BTBD17: variants seen among roughly 807,000 people sequenced by gnomAD.
BTBD17 encodes BTB/POZ domain-containing protein 17.
Under a neutral mutation model 36.9 loss-of-function variants are expected in BTBD17, and 26 were observed. The observed-to-expected ratio is 0.70, with a 90% CI of 0.52 to 0.98. BTBD17 has a LOEUF of 0.98. Ranked by LOEUF, BTBD17 falls within the 50% of genes least tolerant of loss-of-function variation. The pLI is 0.00. For missense variants in BTBD17, 630 were observed against 691.3 expected (o/e 0.91, Z 0.99); for synonymous variants, 341 against 338.0 (o/e 1.01, Z -0.10).
Position 74,360,042 on chromosome 17 carries a change from G to C in BTBD17, c.289C>G (p.Leu97Val), listed in dbSNP as rs751870560. Reference protein sequence around the residue: ...LGLHSELFLELLSNQSEAVLQ... With the variant: ...LGLHSELFLEVLSNQSEAVLQ... ...ACCGCCTCGCTCTGGTTACTTAGCA[G>C]CTCCAGGAACAGCTCACTGTGCAGT... The change falls in exon 2 of 3, where the codon CTG (leucine) becomes GTG (valine). Residue 97 changes from leucine (L) to valine (V), a missense_variant. Physicochemically the swap from Leu to Val is conservative, Grantham distance 32. Coordinates refer to ENST00000375366, the MANE Select transcript of BTBD17 (RefSeq NM_001080466.2). The C allele has an allele frequency of 3.6e-5, 58 of 1,612,890 alleles. No homozygotes were observed. The highest frequency in any genetic ancestry group is 3.1e-5 in the Non-Finnish European group (37 of 1,180,034).
rs920645478 is a variant in BTBD17, at chr17:74,357,945, G to A, written c.363-214C>T. The stretch of plus-strand genomic sequence containing the variant: ...CACAGGCTCTTCTTTCCGTTTCCGC[G>A]GTGATGTAGAAATTGCCTGCATTGA... On this transcript the variant is annotated intron_variant, in intron 2 of 2. Coordinates refer to ENST00000375366, the MANE Select transcript of BTBD17 (RefSeq NM_001080466.2). This position sits in a 1 kb window ranked among gnomAD's most constrained non-coding sequence, Gnocchi z 8.4. Among the ~76,000 whole-genome samples the A allele has an allele frequency of 5.9e-5, 9 of 152,178 alleles. No homozygotes were observed. The highest frequency in any genetic ancestry group is 1.0e-4 in the Non-Finnish European group (7 of 68,034).
At chr17:74,362,966 A>ATGTGTGTGTG (rs1555626867), upstream of BTBD17, among the ~76,000 whole-genome samples, 6,062 of 148,862 alleles carry the variant, frequency 0.041, 177 homozygotes, top group South Asian at 0.084. Context: ...GCGCGCGCGC[A>ATGTGTGTGTG]TGTGTGTGTG....
At position 74,357,652 on chromosome 17, in the gene BTBD17, A is replaced by C. The variant is rs751592082; in HGVS notation, c.442T>G (p.Ser148Ala). 5.2e-6 allele frequency: 8 copies of C among 1,550,038 alleles called. No individual in the cohort carries two copies. The highest frequency in any genetic ancestry group is 7.0e-6 in the Non-Finnish European group (8 of 1,148,956). The change falls in exon 3 of 3, where the codon TCC (serine) becomes GCC (alanine). Residue 148 changes from serine (S) to alanine (A), a missense_variant. Physicochemically the swap from Ser to Ala is moderately conservative, Grantham distance 99. Transcript: ENST00000375366. The surrounding 1 kb of genome is among the most constrained non-coding windows in gnomAD (Gnocchi z 8.4). ...TCGGCCACGCCGCGCTGCAGGGAGG[A>C]CACGCCGTACTTGGTGGCCAGTCTG... ...LHRLATKYGVSSLQRGVADYM... is the reference protein window; with the variant it reads ...LHRLATKYGVASLQRGVADYM...
At chr17:74,361,949 C>A (rs996766013), upstream of BTBD17, 4 of 681,866 alleles carry the variant, frequency 5.9e-6, no homozygotes, top group South Asian at 5.8e-5. Flanking sequence ...CTCCCTCCCC[C>A]ACTCAGCCTC....
In BTBD17 at chr17:74,356,551, C is replaced by A; in HGVS notation, c.*106G>T. 1 of 1,349,196 alleles carries A rather than the reference C, an allele frequency of 7.4e-7. No homozygotes were observed. The highest frequency in any genetic ancestry group is 2.9e-5 in the East Asian group (1 of 34,102). 83.6% of individuals were successfully genotyped at this position (1,349,196 alleles called of 1,614,324 possible). On this transcript the variant is annotated 3_prime_UTR_variant, in exon 3 of 3. Transcript: ENST00000375366. The surrounding 1 kb of genome is among the most constrained non-coding windows in gnomAD (Gnocchi z 4.3). ...CACCCCAGCCCTAGGGTGGCCGGCG[C>A]CTGGCCATCCAGGGGACCAGGCTTG... is the stretch of plus-strand genomic sequence containing the variant.
chr17:74,359,360 TTTGTTTGG>T (rs2054920699), intron 2 of BTBD17, among the ~76,000 whole-genome samples: 1 of 151,866 alleles, frequency 6.6e-6, no homozygotes, highest in Non-Finnish European at 1.5e-5. Context: ...TTTTTGTTTG[TTTGTTTGG>T]TTGGTTGGTT....
Position 74,360,373 on chromosome 17 carries a change from G to A in BTBD17, c.86-128C>T, listed in dbSNP as rs565524541. 27 of 955,822 alleles carry A rather than the reference G, an allele frequency of 2.8e-5. No individual in the cohort carries two copies. The South Asian group carries it at 4.4e-4, about 16-fold the overall frequency. The allele number at this position is 955,822 out of a possible 1,614,324, so 59.2% of individuals were successfully genotyped here. A position where few individuals can be genotyped will look rare whatever the true frequency, so the allele number is the denominator to read the frequency against. Reference sequence around the variant, plus strand: ...GCAGAGGGCAAGGTGGGCCTAGGCGGGTTGTATGTGCATACCTGTTTGTGC... The same window carrying A: ...GCAGAGGGCAAGGTGGGCCTAGGCGAGTTGTATGTGCATACCTGTTTGTGC... On this transcript the variant is annotated intron_variant, in intron 1 of 2. Transcript: ENST00000375366.
chr17:74,361,149 G>C (rs754793626), intron 1 of BTBD17, among the ~76,000 whole-genome samples: 8 of 152,238 alleles, frequency 5.3e-5, no homozygotes, highest in African/African-American at 1.7e-4. Flanking sequence ...TGGCCAGGCC[G>C]GCCCTTTGCT....
Position 74,361,274 on chromosome 17 carries a change from G to A in BTBD17, c.85+461C>T, listed in dbSNP as rs981382162. Among the ~76,000 whole-genome samples the A allele has an allele frequency of 2.6e-5, 4 of 152,238 alleles. No homozygotes were observed. In the East Asian group the frequency reaches 7.7e-4, roughly 29 times the overall value. On this transcript the variant is annotated intron_variant, in intron 1 of 2. Transcript: ENST00000375366. ...GGAGCCTCGCAGAGGGAGGCGGGCG[G>A]GGGCCTGATTGCAGCAGATGGGCCG...
chr17:74,362,147 C>T (rs2054944822), upstream of BTBD17, among the ~76,000 whole-genome samples: 1 of 152,252 alleles, frequency 6.6e-6, no homozygotes, highest in Non-Finnish European at 1.5e-5. Flanking sequence ...GTTTCAGGCT[C>T]TCTGCAGAAT....
chr17:74,359,797 G>T (rs2054923960), intron 2 of BTBD17, among the ~76,000 whole-genome samples, 172 bp downstream of exon 2: 1 of 152,232 alleles, frequency 6.6e-6, no homozygotes, highest in Admixed American at 6.5e-5. Context: ...CACGGGCAAA[G>T]ACAGGGAGCT....
At chr17:74,359,760 G>T (rs535036236) in intron 2 of BTBD17, among the ~76,000 whole-genome samples, 2 of 152,184 alleles carry the variant, frequency 1.3e-5, no homozygotes, top group African/African-American at 4.8e-5. Context: ...ACTAGGAACC[G>T]AAAGTGACAT....
chr17:74,357,361 G>T lies in BTBD17; in HGVS notation c.733C>A (p.Pro245Thr). ...EAWLGRARPP[P>T]AVAERALRAI... ...CGCAGCGCCCGCTCGGCCACGGCAG[G>T]GGGCGGCCGCGCGCGACCCAGCCAG... Residue 245 changes from proline to threonine, a missense_variant, in exon 3 of 3, where the codon CCT becomes ACT. Transcript: ENST00000375366. The surrounding 1 kb of genome is among the most constrained non-coding windows in gnomAD (Gnocchi z 8.4). 6.4e-7 allele frequency: 1 copy of T among 1,551,130 alleles called. No homozygotes were observed. Among genetic ancestry groups the T allele is most frequent in the Non-Finnish European group, 8.6e-7 (1 of 1,157,130 alleles).
chr17:74,357,746 G>C lies in BTBD17; in HGVS notation c.363-15C>G, dbSNP rs200105687. On this transcript the variant is annotated splice_polypyrimidine_tract_variant and intron_variant, in intron 2 of 2. Coordinates refer to ENST00000375366, the MANE Select transcript of BTBD17 (RefSeq NM_001080466.2). This position sits in a 1 kb window ranked among gnomAD's most constrained non-coding sequence, Gnocchi z 8.4. The stretch of plus-strand genomic sequence containing the variant: ...AGTACAGGTACCTGCGGGAGAGACC[G>C]AGAGGTGGGGCGGGGTCAGGGCGGT... The C allele has an allele frequency of 9.2e-6, 14 of 1,519,220 alleles. 1 individual carries two copies. The highest frequency in any genetic ancestry group is 7.2e-5 in the South Asian group (6 of 83,028). 94.1% of individuals were successfully genotyped at this position (1,519,220 alleles called of 1,614,324 possible). A position where few individuals can be genotyped will look rare whatever the true frequency, so the allele number is the denominator to read the frequency against.
upstream of BTBD17, chr17:74,361,950 A>C: frequency 3.0e-6 from 2 of 662,378 alleles, no homozygotes; most frequent in Non-Finnish European, 5.1e-6. Context: ...TCCCTCCCCC[A>C]CTCAGCCTCC....
Sources: allele counts gnomAD v4.1 joint callset (sites outside exome capture counted in the v4.1 genomes callset), GRCh38; gene constraint gnomAD v4.1.1; non-coding constraint Gnocchi (gnomAD v3.1); transcripts MANE v1.5; gene names NCBI Gene and HGNC (gene_info 2026-07-23, HGNC 2026-07-21).